The following USP7 variants were observed in gnomAD, a reference collection of about 807,000 sequenced individuals.
USP7 encodes ubiquitin specific peptidase 7.
Under a neutral mutation model 162.9 loss-of-function variants are expected in USP7, and 9 were observed. The observed-to-expected ratio is 0.06, with a 90% CI of 0.03 to 0.10. The LOEUF (loss-of-function observed/expected upper bound fraction) is 0.10. USP7 is among the 10% of genes least tolerant of loss of function. USP7 has a pLI of 1.00. For synonymous variants in USP7, 562 were observed against 475.9 expected (o/e 1.18, Z -2.35); for missense variants, 715 against 1,373.7 (o/e 0.52, Z 7.58).
intron 1 of USP7, among the ~76,000 whole-genome samples, chr16:8,955,172 T>G (rs181090418): frequency 6.6e-6 from 1 of 152,358 alleles, no homozygotes; most frequent in East Asian, 1.9e-4. Flanking sequence ...AATTTTACAT[T>G]TGTTGTATTT....
chr16:8,931,125 G>T (rs1596392665), intron 1 of USP7, among the ~76,000 whole-genome samples: 1 of 151,828 alleles, frequency 6.6e-6, no homozygotes, highest in Non-Finnish European at 1.5e-5. Flanking sequence ...GAAGATTACT[G>T]AACATATGCA....
chr16:8,929,401 G>A, intron 2 of USP7: 1 of 444,410 alleles, frequency 2.3e-6, no homozygotes, highest in Non-Finnish European at 4.5e-6. Flanking sequence ...CAGCTGCCAG[G>A]GGTAAACCGC....
At chr16:8,953,589 GCGGCGC>G (rs1899663282) in intron 1 of USP7, among the ~76,000 whole-genome samples, 2 of 87,074 alleles carry the variant, frequency 2.3e-5, no homozygotes. Flanking sequence ...CGTGCCCCAT[GCGGCGC>G]CACCGGAAGC....
Position 8,934,288 on chromosome 16 carries a change from GGT to G in USP7, c.80-3893_80-3892del, listed in dbSNP as rs565232248. Among the ~76,000 whole-genome samples, 34 of 152,230 alleles carry G rather than the reference GGT, an allele frequency of 2.2e-4. 1 individual carries two copies. In the South Asian group the frequency reaches 7.0e-3, roughly 32 times the overall value. On this transcript the variant is annotated intron_variant, in intron 1 of 30. Coordinates refer to ENST00000344836, the MANE Select transcript of USP7 (RefSeq NM_003470.3). Reference sequence around the variant, plus strand: ...CTCTACAACTGCTCTGTAATTCTGAGGTACAGGTTATGGTTTCATGAGATGCA... The same window carrying G: ...CTCTACAACTGCTCTGTAATTCTGAGACAGGTTATGGTTTCATGAGATGCA...
chr16:8,895,064 C>T lies in USP7; in HGVS notation c.3006G>A (p.Thr1002=), dbSNP rs752285038. Residue 1002 remains threonine, a synonymous_variant, in exon 28 of 31, where the codon ACG becomes ACA. Coordinates refer to ENST00000344836, the MANE Select transcript of USP7 (RefSeq NM_003470.3). ...TCCTCAGCAAAAACGGGATTCCGAA[C>T]GTTCCGAAGACCTCTTTGTGGAAAT... The part of the protein sequence containing the change: ...VAHFHKEVFG[T]FGIPFLLRIH... The T allele has an allele frequency of 3.1e-6, 5 of 1,614,110 alleles. No individual in the cohort carries two copies. Among genetic ancestry groups the T allele is most frequent in the African/African-American group, 1.3e-5 (1 of 74,934 alleles).
chr16:8,952,573 T>C (rs1899604441), intron 1 of USP7, among the ~76,000 whole-genome samples: 1 of 152,194 alleles, frequency 6.6e-6, no homozygotes, highest in Non-Finnish European at 1.5e-5. Flanking sequence ...CCCCTCACTC[T>C]GGCACTGATG....
chr16:8,898,325 T>TA (rs1318970955), intron 25 of USP7, 35 bp downstream of exon 25: 1 of 1,511,274 alleles, frequency 6.6e-7, no homozygotes, highest in Non-Finnish European at 9.1e-7. Context: ...CAAGTTCCAA[T>TA]AAAAATTAAA....
chr16:8,894,605 C>G lies in USP7; in HGVS notation c.3147G>C (p.Gln1049His), dbSNP rs749245139. The change falls in exon 30 of 31, where the codon CAG (glutamine) becomes CAC (histidine). Residue 1049 changes from glutamine to histidine, a missense_variant. Gln to His is a conservative substitution (Grantham distance 24). This residue lies in a region of USP7 where 222 missense variants were observed against 441.7 expected (regional missense o/e 0.50). Transcript: ENST00000344836. ...KFAIVMMGRH[Q>H]YINEDEYEVN... ...CTTCATACTCGTCTTCATTTATGTACTGGTGTCGGCCCATCATTACAATTG... is the reference window on the plus strand; with the variant it reads ...CTTCATACTCGTCTTCATTTATGTAGTGGTGTCGGCCCATCATTACAATTG... 4 of 1,613,904 alleles carry G rather than the reference C, an allele frequency of 2.5e-6. No individual in the cohort carries two copies. The East Asian group carries it at 8.9e-5, about 36-fold the overall frequency.
chr16:8,958,620 A>G (rs899120094), intron 1 of USP7, among the ~76,000 whole-genome samples: 3 of 152,298 alleles, frequency 2.0e-5, no homozygotes, highest in Non-Finnish European at 2.9e-5. Context: ...TAGAGACAGC[A>G]GAGTTCAAAG....
intron 1 of USP7, among the ~76,000 whole-genome samples, chr16:8,955,488 C>T (rs370551422): frequency 1.4e-4 from 21 of 151,990 alleles, no homozygotes; most frequent in African/African-American, 3.9e-4. Flanking sequence ...TTTGGGAGGC[C>T]GAGTGAGGCA....
chr16:8,929,934 AGTTCCAAT>A (rs1898225269), intron 2 of USP7, among the ~76,000 whole-genome samples: 1 of 152,246 alleles, frequency 6.6e-6, no homozygotes, highest in Non-Finnish European at 1.5e-5. Flanking sequence ...TGGAAAGCCA[AGTTCCAAT>A]GTCTGCACGT....
intron 1 of USP7, among the ~76,000 whole-genome samples, chr16:8,950,147 A>C (rs960548556): frequency 2.0e-5 from 3 of 152,252 alleles, no homozygotes; most frequent in Non-Finnish European, 4.4e-5. Context: ...AAATATGGCC[A>C]TGGAGACCAA....
intron 1 of USP7, among the ~76,000 whole-genome samples, chr16:8,938,710 C>CAA (rs397944053): frequency 0.26 from 37,574 of 145,740 alleles, 6,053 homozygotes; most frequent in African/African-American, 0.46. Context: ...GACTCCGTCT[C>CAA]AAAAAAAAAA....
chr16:8,961,111 G>C (rs1373734832), intron 1 of USP7, among the ~76,000 whole-genome samples: 1 of 152,152 alleles, frequency 6.6e-6, no homozygotes, highest in Non-Finnish European at 1.5e-5. Context: ...TGAAAATAAA[G>C]CTTCATTTTA....
intron 12 of USP7, 113 bp downstream of exon 12, chr16:8,908,228 C>A: frequency 1.1e-6 from 1 of 872,658 alleles, no homozygotes; most frequent in Non-Finnish European, 1.8e-6. Flanking sequence ...GAAGGAAAAT[C>A]TAAATAAATC....
intron 13 of USP7, among the ~76,000 whole-genome samples, chr16:8,905,532 C>G (rs1185419218): frequency 6.6e-6 from 1 of 152,236 alleles, no homozygotes; most frequent in Non-Finnish European, 1.5e-5. Context: ...ATACAATTCA[C>G]CAGGACCTTC....
At chr16:8,962,534 G>A (rs1044301750) in intron 1 of USP7, 12 of 445,014 alleles carry the variant, frequency 2.7e-5, no homozygotes, top group African/African-American at 1.4e-4. Flanking sequence ...CTTTCGCACG[G>A]TTGCAAGCGC....
rs113678581 is a variant in USP7, at chr16:8,917,366, A to G, written c.721-210T>C. On this transcript the variant is annotated intron_variant, in intron 6 of 30. Coordinates refer to ENST00000344836, the MANE Select transcript of USP7 (RefSeq NM_003470.3). The stretch of plus-strand genomic sequence containing the variant: ...GGGATACTGGAAAACATAAGAATGC[A>G]AAAATAAATTTTGAAAATCACCACC... Among the ~76,000 whole-genome samples, 776 of 152,314 alleles carry G rather than the reference A, an allele frequency of 5.1e-3. 8 individuals are homozygous for G. Among genetic ancestry groups the G allele is most frequent in the African/African-American group, 0.018 (738 of 41,564 alleles).
intron 1 of USP7, among the ~76,000 whole-genome samples, chr16:8,942,668 C>T (rs949970638): frequency 2.6e-5 from 4 of 152,186 alleles, no homozygotes; most frequent in Admixed American, 2.6e-4. Context: ...CCACCTCAAG[C>T]TCTTGAGCAG....
Sources: gnomAD v4.1 joint callset for allele counts (sites outside exome capture counted in the v4.1 genomes callset) on GRCh38, gnomAD v4.1.1 for gene constraint, gnomAD v4.1.1 regional missense constraint, MANE v1.5 for transcripts, NCBI Gene and HGNC (gene_info 2026-07-23, HGNC 2026-07-21) for gene names.